Variants in BRINP3 observed in about 807,000 individuals in gnomAD.
BRINP3 encodes BMP/retinoic acid-inducible neural-specific protein 3.
In BRINP3, 19 loss-of-function variants were observed where a neutral mutation model predicts 71.0. That is an observed-to-expected ratio of 0.27 (90% confidence interval 0.19 to 0.39). BRINP3 has a LOEUF of 0.39. Ranked by LOEUF, BRINP3 falls within the 10% of genes least tolerant of loss-of-function variation. BRINP3 has a pLI of 1.00. For missense variants in BRINP3, 959 were observed against 940.8 expected (o/e 1.02, Z -0.25); for synonymous variants, 380 against 337.7 (o/e 1.13, Z -1.37).
intron 7 of BRINP3, among the ~76,000 whole-genome samples, chr1:190,134,648 C>G (rs1279872707): frequency 6.6e-6 from 1 of 151,934 alleles, no homozygotes; most frequent in East Asian, 1.9e-4. Context: ...GTCATACAAA[C>G]CAAGTGGGTT....
chr1:190,250,457 G>A (rs1040402777), intron 4 of BRINP3, among the ~76,000 whole-genome samples: 1 of 151,918 alleles, frequency 6.6e-6, no homozygotes, highest in Non-Finnish European at 1.5e-5. Context: ...ACTCCAGCTT[G>A]CTGTAGTACT....
At chr1:190,388,516 T>C (rs1457861148) in intron 2 of BRINP3, among the ~76,000 whole-genome samples, 1 of 151,766 alleles carries the variant, frequency 6.6e-6, no homozygotes, top group Non-Finnish European at 1.5e-5. Flanking sequence ...GAGGAAAAGA[T>C]TGGAGTAATA....
At chr1:190,273,240 A>C (rs554088284) in intron 3 of BRINP3, among the ~76,000 whole-genome samples, 2 of 151,642 alleles carry the variant, frequency 1.3e-5, no homozygotes, top group East Asian at 1.9e-4. Context: ...CGAAAACTGA[A>C]ATAGTGTTAT....
Position 190,422,869 on chromosome 1 carries a change from T to TA in BRINP3, c.236+31785dup, listed in dbSNP as rs752522778. On this transcript the variant is annotated intron_variant, in intron 2 of 7. Transcript: ENST00000367462. ...CAATCTTCTTTTGACATATATGACT[T>TA]ACAAAGCTGGTAACTTCTACAGAAG... Among the ~76,000 whole-genome samples, 8 of 151,998 alleles carry TA rather than the reference T, an allele frequency of 5.3e-5. No individual in the cohort carries two copies. The East Asian group carries it at 7.7e-4, about 15-fold the overall frequency.
chr1:190,202,420 A>G (rs1490211274), intron 6 of BRINP3, among the ~76,000 whole-genome samples: 1 of 152,106 alleles, frequency 6.6e-6, no homozygotes, highest in Admixed American at 6.6e-5. Flanking sequence ...CTTGAATGAG[A>G]CTTCGTATTG....
At chr1:190,326,205 T>C (rs1666569957) in intron 2 of BRINP3, among the ~76,000 whole-genome samples, 1 of 152,122 alleles carries the variant, frequency 6.6e-6, no homozygotes, top group Non-Finnish European at 1.5e-5. Flanking sequence ...AAGTCAGGTC[T>C]TTTGAAATAA....
intron 4 of BRINP3, among the ~76,000 whole-genome samples, chr1:190,262,897 ATG>A (rs904165291): frequency 5.7e-4 from 87 of 151,414 alleles, no homozygotes; most frequent in African/African-American, 1.9e-3. Flanking sequence ...ATATATACAT[ATG>A]TGTGTGTGTG....
chr1:190,266,173 G>A (rs1371717422), intron 3 of BRINP3, among the ~76,000 whole-genome samples: 1 of 152,170 alleles, frequency 6.6e-6, no homozygotes, highest in South Asian at 2.1e-4. Flanking sequence ...CAACCCTTTT[G>A]TTTGGGTAGT....
At chr1:190,389,336 T>A (rs1461950084) in intron 2 of BRINP3, among the ~76,000 whole-genome samples, 3 of 151,696 alleles carry the variant, frequency 2.0e-5, no homozygotes, top group African/African-American at 4.8e-5. Flanking sequence ...GGATCAAATA[T>A]CCAATTATAT....
At chr1:190,445,429 A>G (rs1675146718) in intron 2 of BRINP3, among the ~76,000 whole-genome samples, 1 of 152,230 alleles carries the variant, frequency 6.6e-6, no homozygotes, top group African/African-American at 2.4e-5. Flanking sequence ...TTATTTTTAT[A>G]TAAAAGCAGA....
intron 6 of BRINP3, among the ~76,000 whole-genome samples, chr1:190,200,810 TGC>T (rs1470297120): frequency 6.6e-6 from 1 of 152,108 alleles, no homozygotes; most frequent in East Asian, 1.9e-4. Flanking sequence ...GCTCTTTTTT[TGC>T]CTGCCGCCAT....
chr1:190,387,804 T>C (rs1004889937), intron 2 of BRINP3, among the ~76,000 whole-genome samples: 4 of 151,886 alleles, frequency 2.6e-5, no homozygotes, highest in African/African-American at 7.2e-5. Context: ...AAATGTCATC[T>C]TTATGATTAT....
intron 2 of BRINP3, among the ~76,000 whole-genome samples, chr1:190,454,278 C>A (rs1675840538): frequency 6.6e-6 from 1 of 152,082 alleles, no homozygotes. Flanking sequence ...GATACCATTT[C>A]CATTTAGGCT....
At chr1:190,122,844 T>A (rs1221561101) in intron 7 of BRINP3, among the ~76,000 whole-genome samples, 1 of 152,176 alleles carries the variant, frequency 6.6e-6, no homozygotes, top group Non-Finnish European at 1.5e-5. Flanking sequence ...AGGCAACTAA[T>A]ACAGAAATAG....
intron 2 of BRINP3, among the ~76,000 whole-genome samples, chr1:190,436,692 A>C (rs895053458): frequency 6.6e-6 from 1 of 151,842 alleles, no homozygotes; most frequent in African/African-American, 2.4e-5. Context: ...TAAATGTAGG[A>C]AATATGCCTG....
chr1:190,168,643 C>T (rs548834016), intron 6 of BRINP3, among the ~76,000 whole-genome samples: 4 of 152,120 alleles, frequency 2.6e-5, no homozygotes, highest in Non-Finnish European at 5.9e-5. Flanking sequence ...CCTGTTTCTG[C>T]TTAAAGTATA....
intron 7 of BRINP3, among the ~76,000 whole-genome samples, chr1:190,147,530 T>C (rs1655997481): frequency 1.3e-5 from 2 of 152,218 alleles, no homozygotes; most frequent in Admixed American, 1.3e-4. Context: ...AGCAGAAAAT[T>C]CTTCAGTCAT....
At chr1:190,288,582 T>C (rs1254749863) in intron 2 of BRINP3, among the ~76,000 whole-genome samples, 1 of 151,918 alleles carries the variant, frequency 6.6e-6, no homozygotes, top group East Asian at 1.9e-4. Context: ...TCATCTATGA[T>C]CATGGGTGTA....
rs72729169 is a variant in BRINP3 at position 190,216,003 on chromosome 1, G to T, written c.961+10079C>A. ...GTATTTCATAATTATAAGTAATGAA[G>T]TTTTTTATTTATCCAAAAAAAAAAA... On this transcript the variant is annotated intron_variant, in intron 6 of 7. Transcript: ENST00000367462. Among the ~76,000 whole-genome samples, 1,104 of 146,078 alleles carry T rather than the reference G, an allele frequency of 7.6e-3. 5 individuals are homozygous for T. The highest frequency in any genetic ancestry group is 0.012 in the Non-Finnish European group (805 of 66,612).
Sources: allele counts gnomAD v4.1 joint callset (sites outside exome capture counted in the v4.1 genomes callset), GRCh38; gene constraint gnomAD v4.1.1; transcripts MANE v1.5; gene names NCBI Gene and HGNC (gene_info 2026-07-23, HGNC 2026-07-21).